The following SAP130 variants were observed in gnomAD, a reference collection of about 807,000 sequenced individuals.
SAP130 encodes the protein Sin3A associated protein 130.
In SAP130, 16 loss-of-function variants were observed where a neutral mutation model predicts 103.2. The ratio of observed to expected loss-of-function variants is 0.16; its 90% CI spans 0.10 to 0.24. SAP130 has a LOEUF of 0.24. Among genes scored for constraint, SAP130 ranks in the 10% least tolerant of loss-of-function variants. The pLI, the probability that SAP130 is intolerant of heterozygous loss-of-function variation, is 1.00. For missense variants in SAP130, 990 were observed against 1,359.7 expected, an observed-to-expected ratio of 0.73 and a Z score of 4.28; for synonymous variants, 477 against 497.0, an observed-to-expected ratio of 0.96 and a Z score of 0.53.
At chr2:127,949,240 T>G (rs1679328989) in intron 18 of SAP130, among the ~76,000 whole-genome samples, 1 of 152,200 alleles carries the variant, frequency 6.6e-6, no homozygotes, top group South Asian at 2.1e-4. Context: ...GGCTCACATT[T>G]CTTTGTACAT....
At chr2:128,003,957 C>CCTTTTTTT (rs1683762884) in intron 7 of SAP130, among the ~76,000 whole-genome samples, 1 of 67,878 alleles carries the variant, frequency 1.5e-5, no homozygotes, top group Non-Finnish European at 2.9e-5. Context: ...CACAGATCAG[C>CCTTTTTTT]TTTTTTTTTT....
At chr2:128,024,714 GAA>G (rs34945052) in intron 2 of SAP130, among the ~76,000 whole-genome samples, 3 of 129,044 alleles carry the variant, frequency 2.3e-5, no homozygotes, top group Non-Finnish European at 3.3e-5. Flanking sequence ...CTAAAAATGC[GAA>G]AAAAAAAAAA....
At chr2:128,001,291 G>C (rs912119953) in intron 7 of SAP130, among the ~76,000 whole-genome samples, 2 of 152,156 alleles carry the variant, frequency 1.3e-5, no homozygotes, top group Non-Finnish European at 2.9e-5. Context: ...AGTAATCCCA[G>C]CAGGAGGACC....
chr2:128,026,781 G>T (rs969442658), intron 1 of SAP130, among the ~76,000 whole-genome samples: 1 of 152,236 alleles, frequency 6.6e-6, no homozygotes, highest in African/African-American at 2.4e-5. Context: ...GATGCAAAAG[G>T]AATTCTCCAA....
chr2:128,016,640 A>G, intron 3 of SAP130, 93 bp from the exon 4 acceptor site: 1 of 1,386,042 alleles, frequency 7.2e-7, no homozygotes, highest in Non-Finnish European at 9.8e-7. Context: ...CGAACCTGGA[A>G]AGTGCCAGGA....
At chr2:127,992,131 C>T (rs1682852692) in intron 12 of SAP130, among the ~76,000 whole-genome samples, 1 of 152,030 alleles carries the variant, frequency 6.6e-6, no homozygotes, top group Non-Finnish European at 1.5e-5. Flanking sequence ...ACCACCATGC[C>T]CACCTAATTT....
chr2:127,943,298 AG>A, intron 19 of SAP130, among the ~76,000 whole-genome samples: 1 of 152,228 alleles, frequency 6.6e-6, no homozygotes, highest in East Asian at 1.9e-4. Context: ...CTGGTGAAGG[AG>A]GGATTCTTGC....
intron 2 of SAP130, among the ~76,000 whole-genome samples, chr2:128,022,190 A>C (rs1326390885): frequency 6.6e-6 from 1 of 152,222 alleles, no homozygotes; most frequent in Non-Finnish European, 1.5e-5. Flanking sequence ...GGAATTTCAC[A>C]TAACACAATC....
Position 127,950,234 on chromosome 2 carries a change from T to C in SAP130, c.2597A>G (p.Asp866Gly). Residue 866 changes from aspartate (D) to glycine (G), a missense_variant, in exon 17 of 21, where the codon GAT becomes GGT. Coordinates refer to ENST00000643581, the MANE Select transcript of SAP130 (RefSeq NM_001330301.2). ...ACTCTTGGCAGTGGACTTCTCATCA[T>C]CAGTGCTGTTTGTCTCCATCATGTC... ...EGDMMETNST[D>G]DEKSTAKSLL... 1 of 1,614,210 alleles carries C rather than the reference T, an allele frequency of 6.2e-7. No individual in the cohort carries two copies. Among genetic ancestry groups the C allele is most frequent in the Non-Finnish European group, 8.5e-7 (1 of 1,180,024 alleles).
Position 127,942,087 on chromosome 2 carries a change from A to G in SAP130, c.3093T>C (p.His1031=). 8 of 1,610,480 alleles carry G rather than the reference A, an allele frequency of 5.0e-6. No homozygotes were observed. Among genetic ancestry groups the G allele is most frequent in the Non-Finnish European group, 6.8e-6 (8 of 1,179,080 alleles). ...ARDSMLKVLD[H]KDRVLKLLNK... ...TAAGCAGCTTCAGGACACGGTCTTT[A>G]TGATCTAAAACCTTAAGCATGGAGT... The change falls in exon 21 of 21, where the codon CAT becomes CAC. Residue 1031 remains histidine, a synonymous_variant. Transcript: ENST00000643581. The surrounding 1 kb of genome is among the most constrained non-coding windows in gnomAD (Gnocchi z 4.8).
Position 127,941,697 on chromosome 2 carries a change from G to T in SAP130, c.*309C>A. The T allele has an allele frequency of 5.4e-6, 2 of 367,316 alleles. No homozygotes were observed. Among genetic ancestry groups the T allele is most frequent in the Non-Finnish European group, 4.9e-6 (1 of 204,628 alleles). The allele number at this position is 367,316 out of a possible 1,614,324, so 22.8% of individuals were successfully genotyped here. ...GATAAATACAGTCTATAAACCGGAA[G>T]GCTGAAAAACACCAGCCAGCCATCC... On this transcript the variant is annotated 3_prime_UTR_variant, in exon 21 of 21. Transcript: ENST00000643581.
At chr2:128,022,189 C>T (rs6736698) in intron 2 of SAP130, among the ~76,000 whole-genome samples, 43,220 of 152,096 alleles carry the variant, frequency 0.28, 6,865 homozygotes, top group African/African-American at 0.44. Flanking sequence ...TGGAATTTCA[C>T]ATAACACAAT....
At chr2:127,983,828 T>G (rs1489024258) in intron 14 of SAP130, among the ~76,000 whole-genome samples, 4 of 120,052 alleles carry the variant, frequency 3.3e-5, no homozygotes, top group East Asian at 2.3e-4. Flanking sequence ...TTGTTGTTTT[T>G]TTTTTTTTTT....
At chr2:128,026,156 T>A in intron 2 of SAP130, 25 bp downstream of exon 2, 1 of 1,448,040 alleles carries the variant, frequency 6.9e-7, no homozygotes, top group Non-Finnish European at 9.6e-7. Flanking sequence ...TAGGAAAAAA[T>A]ATATTAGAAT....
intron 14 of SAP130, among the ~76,000 whole-genome samples, chr2:127,981,802 C>G (rs1177306835): frequency 6.7e-6 from 1 of 148,180 alleles, no homozygotes; most frequent in Non-Finnish European, 1.5e-5. Context: ...CTCCTGCACC[C>G]TCGACTCAGC....
intron 7 of SAP130, among the ~76,000 whole-genome samples, chr2:128,006,653 G>A (rs970880198): frequency 5.9e-5 from 9 of 152,078 alleles, no homozygotes; most frequent in African/African-American, 2.2e-4. Context: ...ATGGTGGCAC[G>A]TGCCCGTAGT....
chr2:127,980,892 C>T (rs1681819656), intron 14 of SAP130, among the ~76,000 whole-genome samples: 1 of 64,660 alleles, frequency 1.5e-5, no homozygotes, highest in African/African-American at 5.1e-5. Context: ...GTGAGACCCC[C>T]ATCTCAACAA....
chr2:127,944,275 A>G (rs565649296), intron 19 of SAP130, among the ~76,000 whole-genome samples: 1 of 152,102 alleles, frequency 6.6e-6, no homozygotes, highest in Non-Finnish European at 1.5e-5. Context: ...GGCCCAAGCA[A>G]TCCTCTTGCC....
At chr2:128,013,461 C>T (rs1055192648) in intron 5 of SAP130, among the ~76,000 whole-genome samples, 3 of 152,180 alleles carry the variant, frequency 2.0e-5, no homozygotes, top group East Asian at 3.8e-4. Context: ...TCAGCTCTGA[C>T]GAGGCTCGGA....
Sources: allele counts gnomAD v4.1 joint callset (sites outside exome capture counted in the v4.1 genomes callset), GRCh38; gene constraint gnomAD v4.1.1; non-coding constraint Gnocchi (gnomAD v3.1); transcripts MANE v1.5; gene names NCBI Gene and HGNC (gene_info 2026-07-23, HGNC 2026-07-21).